Variants in SLC35F1 observed in about 807,000 individuals in gnomAD.
SLC35F1 encodes solute carrier family 35 member F1.
In SLC35F1, 14 loss-of-function variants were observed where a neutral mutation model predicts 48.7. The observed-to-expected ratio is 0.29, with a 90% CI of 0.19 to 0.45. The LOEUF (loss-of-function observed/expected upper bound fraction) is 0.45. Ranked by LOEUF, SLC35F1 falls within the 20% of genes least tolerant of loss-of-function variation. The pLI is 1.00. For missense variants in SLC35F1, 404 were observed against 500.0 expected (o/e 0.81, Z 1.83); for synonymous variants, 190 against 202.2 (o/e 0.94, Z 0.51).
chr6:118,193,100 A>C (rs2114524962), intron 2 of SLC35F1, among the ~76,000 whole-genome samples: 1 of 152,312 alleles, frequency 6.6e-6, no homozygotes, highest in Admixed American at 6.5e-5. Context: ...AGGTAAACAA[A>C]AATCTTTCAT....
rs116287518 is a variant in SLC35F1, at chr6:118,142,351, A to G, written c.174-12094A>G. 3.7e-3 allele frequency among the ~76,000 whole-genome samples: 566 copies of G among 152,306 alleles called. 3 individuals are homozygous for G. The highest frequency in any genetic ancestry group is 0.013 in the African/African-American group (553 of 41,568). On this transcript the variant is annotated intron_variant, in intron 1 of 7. Transcript: ENST00000360388. ...TATGGTAAAATAGTTACTAGAATGG[A>G]ACAGATTAACATATCAAGTCTTTAA...
chr6:118,292,604 G>T (rs181312988), intron 7 of SLC35F1, among the ~76,000 whole-genome samples: 1 of 152,172 alleles, frequency 6.6e-6, no homozygotes, highest in South Asian at 2.1e-4. Context: ...GGAGAGGAGG[G>T]CTAGTTTTTC....
chr6:118,191,264 A>G (rs1213315258), intron 2 of SLC35F1, among the ~76,000 whole-genome samples: 1 of 152,196 alleles, frequency 6.6e-6, no homozygotes, highest in East Asian at 1.9e-4. Context: ...AAGGTTATCT[A>G]TGTATAAGGC....
intron 4 of SLC35F1, among the ~76,000 whole-genome samples, chr6:118,274,579 G>A (rs570112695): frequency 6.9e-4 from 105 of 152,080 alleles, no homozygotes; most frequent in African/African-American, 2.5e-3. Context: ...TGTAGTTTTA[G>A]TAGAGACAAG....
intron 1 of SLC35F1, among the ~76,000 whole-genome samples, chr6:118,028,494 G>C (rs1771990091): frequency 6.6e-6 from 1 of 152,004 alleles, no homozygotes; most frequent in African/African-American, 2.4e-5. Flanking sequence ...GAATATACAG[G>C]GCAAATTAGG....
chr6:117,997,559 G>A (rs1183256842), intron 1 of SLC35F1, among the ~76,000 whole-genome samples: 1 of 152,222 alleles, frequency 6.6e-6, no homozygotes, highest in Non-Finnish European at 1.5e-5. Context: ...AAGCCCATCA[G>A]ACTAACAGTG....
intron 1 of SLC35F1, among the ~76,000 whole-genome samples, chr6:118,101,601 G>A (rs1026194688): frequency 2.0e-5 from 3 of 152,190 alleles, no homozygotes; most frequent in Non-Finnish European, 4.4e-5. Context: ...ATGAGAAGTG[G>A]GATGGGAGAA....
At chr6:118,174,665 T>A (rs1774459613) in intron 2 of SLC35F1, among the ~76,000 whole-genome samples, 1 of 152,218 alleles carries the variant, frequency 6.6e-6, no homozygotes, top group East Asian at 1.9e-4. Context: ...ATTTTCCATA[T>A]TTGTTGAAAC....
At chr6:118,122,767 G>T (rs547542127) in intron 1 of SLC35F1, among the ~76,000 whole-genome samples, 1 of 152,300 alleles carries the variant, frequency 6.6e-6, no homozygotes, top group South Asian at 2.1e-4. Flanking sequence ...AGCAAAGTCT[G>T]GTTAATTCCA....
intron 7 of SLC35F1, among the ~76,000 whole-genome samples, chr6:118,292,888 T>C (rs1207444072): frequency 6.6e-6 from 1 of 152,192 alleles, no homozygotes; most frequent in Non-Finnish European, 1.5e-5. Context: ...CTCTAAATCT[T>C]ACAAGACTTT....
chr6:117,923,588 T>A (rs1197976157), intron 1 of SLC35F1, among the ~76,000 whole-genome samples: 1 of 28,230 alleles, frequency 3.5e-5, no homozygotes, highest in African/African-American at 7.5e-5. Flanking sequence ...TGTGTGTATA[T>A]ATACATATGT....
At chr6:118,206,186 C>T (rs1428413451) in intron 2 of SLC35F1, among the ~76,000 whole-genome samples, 3 of 152,114 alleles carry the variant, frequency 2.0e-5, no homozygotes, top group African/African-American at 7.2e-5. Context: ...TTTTACATTA[C>T]ATTTTTGTTT....
chr6:118,206,227 A>G (rs1242651344), intron 2 of SLC35F1, among the ~76,000 whole-genome samples: 1 of 152,160 alleles, frequency 6.6e-6, no homozygotes, highest in Non-Finnish European at 1.5e-5. Flanking sequence ...CTACACTTTG[A>G]TTCCCTTTTC....
chr6:117,990,661 TG>T (rs1188667912), intron 1 of SLC35F1, among the ~76,000 whole-genome samples: 1 of 152,216 alleles, frequency 6.6e-6, no homozygotes, highest in Non-Finnish European at 1.5e-5. Flanking sequence ...TACTGGGTAC[TG>T]AGTCCTGTGC....
intron 1 of SLC35F1, among the ~76,000 whole-genome samples, chr6:118,103,661 G>A (rs1164373471): frequency 1.3e-5 from 2 of 152,210 alleles, no homozygotes; most frequent in African/African-American, 4.8e-5. Context: ...ATGCCAGCCA[G>A]AGCCCTATGA....
chr6:117,913,168 T>C (rs1434594859), intron 1 of SLC35F1, among the ~76,000 whole-genome samples: 1 of 152,246 alleles, frequency 6.6e-6, no homozygotes, highest in Admixed American at 6.5e-5. Flanking sequence ...GCATGCCCTG[T>C]ACATTGTTCA....
At chr6:118,035,457 C>CAAAA (rs1772112837) in intron 1 of SLC35F1, among the ~76,000 whole-genome samples, 6 of 114,090 alleles carry the variant, frequency 5.3e-5, no homozygotes, top group South Asian at 3.3e-4. Flanking sequence ...AAAAAAAAAC[C>CAAAA]CAAAAAATTA....
intron 1 of SLC35F1, among the ~76,000 whole-genome samples, chr6:117,964,233 C>T (rs913278967): frequency 6.6e-6 from 1 of 152,114 alleles, no homozygotes; most frequent in Non-Finnish European, 1.5e-5. Context: ...ATTGATGTTG[C>T]CCACCACTTT....
At chr6:118,004,757 CTT>C (rs1777151931) in intron 1 of SLC35F1, among the ~76,000 whole-genome samples, 1 of 151,922 alleles carries the variant, frequency 6.6e-6, no homozygotes, top group Admixed American at 6.6e-5. Flanking sequence ...GAGATGAAGT[CTT>C]GATATTTTTC....
Sources: gnomAD v4.1 joint callset for allele counts (sites outside exome capture counted in the v4.1 genomes callset) on GRCh38, gnomAD v4.1.1 for gene constraint, MANE v1.5 for transcripts, NCBI Gene and HGNC (gene_info 2026-07-23, HGNC 2026-07-21) for gene names.